The following TMIGD3 variants were observed in gnomAD, a reference collection of about 807,000 sequenced individuals.
The protein encoded by TMIGD3 is AD026 protein (AD026).
In TMIGD3, 21 loss-of-function variants were observed where a neutral mutation model predicts 28.1. The observed-to-expected ratio is 0.75, with a 90% CI of 0.53 to 1.08. The LOEUF (loss-of-function observed/expected upper bound fraction) is 1.08, where lower values mean the gene tolerates loss of function less well. TMIGD3 is among the 50% of genes least tolerant of loss of function. TMIGD3 has a pLI of 0.00. For synonymous variants in TMIGD3, 151 were observed against 162.1 expected, an observed-to-expected ratio of 0.93 and a Z score of 0.52; for missense variants, 416 against 435.6, an observed-to-expected ratio of 0.96 and a Z score of 0.40.
chr1:111,526,636 A>G (rs1228230357), intron 1 of TMIGD3, among the ~76,000 whole-genome samples: 2 of 152,220 alleles, frequency 1.3e-5, no homozygotes, highest in Non-Finnish European at 2.9e-5. Context: ...CCCCCACCAC[A>G]GTGGTACATT....
At chr1:111,505,603 G>A (rs138074790), upstream of TMIGD3, among the ~76,000 whole-genome samples, 33 of 152,278 alleles carry the variant, frequency 2.2e-4, no homozygotes, top group Non-Finnish European at 3.5e-4. Flanking sequence ...AAACCAAAAG[G>A]CAATCTGGGA....
chr1:111,514,631 A>T (rs114788487), intron 1 of TMIGD3, among the ~76,000 whole-genome samples: 1 of 111,398 alleles, frequency 9.0e-6, no homozygotes, highest in Admixed American at 1.1e-4. Context: ...ATGAGTGTGC[A>T]TACAGTATGG....
At chr1:111,500,196 G>A in intron 1 of TMIGD3, 1 of 1,614,164 alleles carries the variant, frequency 6.2e-7, no homozygotes, top group Middle Eastern at 1.6e-4. Flanking sequence ...GAGCAAACAA[G>A]AAAAGAACCA....
chr1:111,527,006 C>CTTTTTTTT lies in TMIGD3; in HGVS notation c.108-36252_108-36245dup, dbSNP rs71580580. On this transcript the variant is annotated intron_variant, in intron 1 of 5. Transcript: ENST00000369717. ...ATATACATTTAAGTTTCCTCAATGT[C>CTTTTTTTT]TTTTTTTTTTTTTTTTTTTTTTGAG... 6.0e-4 allele frequency among the ~76,000 whole-genome samples: 53 copies of CTTTTTTTT among 87,734 alleles called. 1 individual carries two copies. Among genetic ancestry groups the CTTTTTTTT allele is most frequent in the East Asian group, 8.5e-4 (2 of 2,364 alleles). 57.6% of individuals were successfully genotyped at this position (87,734 alleles called of 152,430 possible). A position where few individuals can be genotyped will look rare whatever the true frequency, so the allele number is the denominator to read the frequency against.
chr1:111,506,980 T>C (rs959440515), upstream of TMIGD3, among the ~76,000 whole-genome samples: 2 of 143,896 alleles, frequency 1.4e-5, no homozygotes, highest in African/African-American at 5.1e-5. Flanking sequence ...CACACACATA[T>C]ACATATATAT....
chr1:111,529,325 C>T (rs958859814), intron 1 of TMIGD3, among the ~76,000 whole-genome samples: 1 of 151,930 alleles, frequency 6.6e-6, no homozygotes, highest in Non-Finnish European at 1.5e-5. Flanking sequence ...ACTTCCTTAC[C>T]TCAAGAACCA....
chr1:111,494,401 A>T (rs1342067563), intron 1 of TMIGD3, among the ~76,000 whole-genome samples: 1 of 152,262 alleles, frequency 6.6e-6, no homozygotes, highest in East Asian at 1.9e-4. Flanking sequence ...AATCACTAGC[A>T]TTCCTATAAA....
intron 1 of TMIGD3, among the ~76,000 whole-genome samples, chr1:111,539,539 G>A (rs1163824521): frequency 1.3e-5 from 2 of 151,990 alleles, no homozygotes; most frequent in African/African-American, 2.4e-5. Flanking sequence ...CTCATAATCC[G>A]CCCGCCTCGG....
chr1:111,545,161 C>T (rs1378868071), intron 1 of TMIGD3, among the ~76,000 whole-genome samples: 1 of 152,114 alleles, frequency 6.6e-6, no homozygotes. Context: ...ATTGCTGAAT[C>T]ATACAGTAAC....
intron 1 of TMIGD3, among the ~76,000 whole-genome samples, chr1:111,547,815 T>G (rs1194815225): frequency 6.6e-6 from 1 of 152,226 alleles, no homozygotes; most frequent in Non-Finnish European, 1.5e-5. Context: ...AGAAAGACTC[T>G]CTGGTGAAGC....
At chr1:111,493,048 C>T (rs780443477) in intron 1 of TMIGD3, among the ~76,000 whole-genome samples, 2 of 152,024 alleles carry the variant, frequency 1.3e-5, no homozygotes, top group African/African-American at 2.4e-5. Flanking sequence ...GATGAAATAA[C>T]TTAATATCTA....
chr1:111,551,666 T>A (rs1657262813), intron 1 of TMIGD3, among the ~76,000 whole-genome samples: 2 of 152,326 alleles, frequency 1.3e-5, no homozygotes, highest in African/African-American at 4.8e-5. Flanking sequence ...CAAAAATACA[T>A]TAATAACATC....
At chr1:111,545,963 A>G (rs1196537310) in intron 1 of TMIGD3, among the ~76,000 whole-genome samples, 1 of 152,156 alleles carries the variant, frequency 6.6e-6, no homozygotes, top group Non-Finnish European at 1.5e-5. Flanking sequence ...CTTTCGGTTT[A>G]ATTCAGTTAG....
intron 1 of TMIGD3, among the ~76,000 whole-genome samples, chr1:111,556,953 A>G (rs1449683342): frequency 6.6e-6 from 1 of 152,058 alleles, no homozygotes; most frequent in African/African-American, 2.4e-5. Flanking sequence ...AAACTTGGGG[A>G]AAAATAATGG....
intron 1 of TMIGD3, among the ~76,000 whole-genome samples, chr1:111,540,209 G>A (rs144936829): frequency 2.0e-3 from 304 of 152,302 alleles, no homozygotes; most frequent in African/African-American, 7.0e-3. Context: ...GGGGTAAACC[G>A]TAAGAGACAT....
At chr1:111,523,871 A>G (rs1273584865) in intron 1 of TMIGD3, among the ~76,000 whole-genome samples, 3 of 151,752 alleles carry the variant, frequency 2.0e-5, no homozygotes, top group African/African-American at 7.3e-5. Context: ...AGGTTTATCA[A>G]TTTTATTAAT....
chr1:111,497,865 A>T (rs1398507627), intron 1 of TMIGD3, among the ~76,000 whole-genome samples: 1 of 152,198 alleles, frequency 6.6e-6, no homozygotes, highest in African/African-American at 2.4e-5. Flanking sequence ...AACGTAGTGT[A>T]TCTACGTTAG....
At chr1:111,511,535 C>A (rs1436114595) in intron 1 of TMIGD3, among the ~76,000 whole-genome samples, 2 of 152,206 alleles carry the variant, frequency 1.3e-5, no homozygotes, top group Non-Finnish European at 2.9e-5. Context: ...GAAAACACCA[C>A]GTGACCTATT....
At chr1:111,525,553 G>T (rs9651093) in intron 1 of TMIGD3, among the ~76,000 whole-genome samples, 3 of 152,022 alleles carry the variant, frequency 2.0e-5, no homozygotes, top group Non-Finnish European at 4.4e-5. Context: ...TATCCCATTT[G>T]TGTCTTTATA....
Sources: gnomAD v4.1 joint callset for allele counts (sites outside exome capture counted in the v4.1 genomes callset) on GRCh38, gnomAD v4.1.1 for gene constraint, MANE v1.5 for transcripts, NCBI Gene and HGNC (gene_info 2026-07-23, HGNC 2026-07-21) for gene names.